The following DCLK1 variants were observed in gnomAD, a reference collection of about 807,000 sequenced individuals.
DCLK1 encodes serine/threonine-protein kinase DCLK1.
In DCLK1, 16 loss-of-function variants were observed where a neutral mutation model predicts 86.2. The ratio of observed to expected loss-of-function variants is 0.19; its 90% CI spans 0.13 to 0.28. The LOEUF is 0.28. Among genes scored for constraint, DCLK1 ranks in the 10% least tolerant of loss-of-function variants. The pLI is 1.00. For synonymous variants in DCLK1, 369 were observed against 370.5 expected (o/e 1.00, Z 0.05); for missense variants, 590 against 940.2 (o/e 0.63, Z 4.87).
At position 35,771,492 on chromosome 13, in the gene DCLK1, C is replaced by G. The variant is rs890827929; in HGVS notation, c.*3043G>C. ...TGGAGCAAATCACATATTCATTGAT[C>G]ATGACGAATAAAATGATTTCTGCTA... On this transcript the variant is annotated 3_prime_UTR_variant, in exon 17 of 17. Coordinates refer to ENST00000360631, the MANE Select transcript of DCLK1 (RefSeq NM_001330071.2). 1 of 152,018 alleles carries G rather than the reference C, an allele frequency of 6.6e-6. No individual in the cohort carries two copies. Among genetic ancestry groups the G allele is most frequent in the Admixed American group, 6.6e-5 (1 of 15,264 alleles). The allele number at this position is 152,018 out of a possible 1,614,324, so 9.4% of individuals were successfully genotyped here.
intron 4 of DCLK1, among the ~76,000 whole-genome samples, chr13:35,907,285 C>A (rs1325306370): frequency 2.0e-5 from 3 of 152,166 alleles, no homozygotes; most frequent in Non-Finnish European, 2.9e-5. Context: ...ACCTCAGCCT[C>A]TGAAGCAGCT....
chr13:35,799,195 C>T (rs1404027084), intron 15 of DCLK1, among the ~76,000 whole-genome samples: 1 of 152,074 alleles, frequency 6.6e-6, no homozygotes, highest in African/African-American at 2.4e-5. Flanking sequence ...GGGCAAAACC[C>T]AGGCATCAGA....
chr13:36,131,716 C>G (rs148965911), upstream of DCLK1, among the ~76,000 whole-genome samples: 1 of 152,098 alleles, frequency 6.6e-6, no homozygotes, highest in Non-Finnish European at 1.5e-5. Flanking sequence ...GTGATATGGC[C>G]GAGAGATGAG....
At chr13:35,829,889 C>T (rs574353481) in intron 8 of DCLK1, among the ~76,000 whole-genome samples, 2 of 152,144 alleles carry the variant, frequency 1.3e-5, no homozygotes, top group Non-Finnish European at 2.9e-5. Context: ...CCCAAGGATG[C>T]CCCTGCCACT....
At chr13:35,991,789 C>G (rs1246135648) in intron 3 of DCLK1, among the ~76,000 whole-genome samples, 2 of 152,302 alleles carry the variant, frequency 1.3e-5, no homozygotes, top group South Asian at 2.1e-4. Flanking sequence ...CTCTTCCCCC[C>G]ATTAGCAAAT....
At chr13:35,803,840 A>C (rs10507430) in intron 15 of DCLK1, among the ~76,000 whole-genome samples, 1 of 152,182 alleles carries the variant, frequency 6.6e-6, no homozygotes. Flanking sequence ...GGTAAAATTT[A>C]TATCAATGAG....
chr13:36,039,237 T>C (rs1882617103), intron 3 of DCLK1, among the ~76,000 whole-genome samples: 1 of 152,124 alleles, frequency 6.6e-6, no homozygotes, highest in South Asian at 2.1e-4. Flanking sequence ...ACTCCAGAAA[T>C]AACTCTTGGC....
chr13:35,918,520 T>C (rs1468930783), intron 4 of DCLK1, among the ~76,000 whole-genome samples: 2 of 152,184 alleles, frequency 1.3e-5, no homozygotes, highest in East Asian at 1.9e-4. Context: ...TCTCACCACA[T>C]TGAAGACAGA....
chr13:36,129,000 A>G (rs190057794), intron 1 of DCLK1, among the ~76,000 whole-genome samples: 119 of 152,342 alleles, frequency 7.8e-4, no homozygotes, highest in Non-Finnish European at 1.1e-3. Flanking sequence ...CAACTCACTA[A>G]GTTCTTCAAC....
chr13:35,770,472 A>C lies in DCLK1; in HGVS notation c.*4063T>G, dbSNP rs887284760. 7.9e-5 allele frequency: 12 copies of C among 152,192 alleles called. No individual in the cohort carries two copies. Among genetic ancestry groups the C allele is most frequent in the Admixed American group, 7.9e-4 (12 of 15,284 alleles). The allele number at this position is 152,192 out of a possible 1,614,324, so 9.4% of individuals were successfully genotyped here. A position where few individuals can be genotyped will look rare whatever the true frequency, so the allele number is the denominator to read the frequency against. The stretch of plus-strand genomic sequence containing the variant: ...GTAAGGAAATCTTTATCCCCAAAAG[A>C]AGCACGTATCTTACCCTCTAAACTG... On this transcript the variant is annotated 3_prime_UTR_variant, in exon 17 of 17. Coordinates refer to ENST00000360631, the MANE Select transcript of DCLK1 (RefSeq NM_001330071.2).
At chr13:35,964,708 A>G (rs998455083) in intron 3 of DCLK1, among the ~76,000 whole-genome samples, 1 of 152,036 alleles carries the variant, frequency 6.6e-6, no homozygotes, top group South Asian at 2.1e-4. Flanking sequence ...GGTTCCGTAA[A>G]TTGAAATCTA....
chr13:35,881,524 C>A (rs950747968), intron 4 of DCLK1, among the ~76,000 whole-genome samples: 2 of 152,194 alleles, frequency 1.3e-5, no homozygotes. Context: ...CTATAGCAAG[C>A]TCTGAATAAA....
chr13:36,000,900 A>G (rs746624023), intron 3 of DCLK1, among the ~76,000 whole-genome samples: 10 of 152,140 alleles, frequency 6.6e-5, no homozygotes, highest in Non-Finnish European at 7.4e-5. Flanking sequence ...CATTTTTAAT[A>G]CATTAAGTAT....
intron 1 of DCLK1, among the ~76,000 whole-genome samples, chr13:36,129,548 G>A (rs1174354829): frequency 1.3e-5 from 2 of 152,168 alleles, no homozygotes; most frequent in African/African-American, 4.8e-5. Context: ...GTAATTATTC[G>A]TGGCAACAAA....
At chr13:35,967,799 C>T (rs960626689) in intron 3 of DCLK1, among the ~76,000 whole-genome samples, 15 of 151,430 alleles carry the variant, frequency 9.9e-5, no homozygotes, top group Admixed American at 3.3e-4. Context: ...TCCCCCTCTC[C>T]GAGAAACATC....
At chr13:35,847,647 GAAAGA>G in intron 6 of DCLK1, 1 of 939,788 alleles carries the variant, frequency 1.1e-6, no homozygotes, top group Non-Finnish European at 1.3e-6. Flanking sequence ...AAGAAAGAAA[GAAAGA>G]AAGAAAAAGA....
At chr13:35,997,189 A>G (rs1277607497) in intron 3 of DCLK1, among the ~76,000 whole-genome samples, 1 of 152,224 alleles carries the variant, frequency 6.6e-6, no homozygotes, top group South Asian at 2.1e-4. Flanking sequence ...AGGCTAGCCC[A>G]CTTTGGATAA....
rs12585530 is a variant in DCLK1, at chr13:36,066,278, C to T, written c.723+45591G>A. Among the ~76,000 whole-genome samples, 111 of 152,276 alleles carry T rather than the reference C, an allele frequency of 7.3e-4. No individual in the cohort carries two copies. The East Asian group carries it at 0.019, about 27-fold the overall frequency. On this transcript the variant is annotated intron_variant, in intron 3 of 16. Coordinates refer to ENST00000360631, the MANE Select transcript of DCLK1 (RefSeq NM_001330071.2). ...AAATCAACCCAGGGCTTCTCCACCT[C>T]TTCTCATGAGAGTGGTCTGGAACAG...
chr13:36,007,281 T>G (rs565229111), intron 3 of DCLK1, among the ~76,000 whole-genome samples: 1 of 152,346 alleles, frequency 6.6e-6, no homozygotes, highest in African/African-American at 2.4e-5. Flanking sequence ...TTCTTACTGA[T>G]AAAGCTTAGT....
Sources: gnomAD v4.1 joint callset for allele counts (sites outside exome capture counted in the v4.1 genomes callset) on GRCh38, gnomAD v4.1.1 for gene constraint, MANE v1.5 for transcripts, NCBI Gene and HGNC (gene_info 2026-07-23, HGNC 2026-07-21) for gene names.